The following PGPEP1L variants were observed in gnomAD, a reference collection of about 807,000 sequenced individuals.
PGPEP1L encodes pyroglutamyl-peptidase I like.
In PGPEP1L, 7 loss-of-function variants were observed where a neutral mutation model predicts 6.0. The ratio of observed to expected loss-of-function variants is 1.17; its 90% CI spans 0.66 to 2.19. The LOEUF (loss-of-function observed/expected upper bound fraction) is 2.19. Ranked by LOEUF, PGPEP1L falls within the 30% of genes most tolerant of loss-of-function variation. The probability of loss-of-function intolerance (pLI) is 0.00; values close to 1 mark genes in which losing one functional copy is unlikely to be tolerated. For missense variants in PGPEP1L, 209 were observed against 192.5 expected (o/e 1.09, Z -0.51); for synonymous variants, 103 against 83.9 (o/e 1.23, Z -1.24).
At chr15:98,977,788 G>C (rs895700790) in intron 2 of PGPEP1L, among the ~76,000 whole-genome samples, 1 of 152,210 alleles carries the variant, frequency 6.6e-6, no homozygotes, top group Non-Finnish European at 1.5e-5. Flanking sequence ...ACTATTAACT[G>C]TGAATTTATC....
chr15:98,970,203 C>T (rs1470353138), intron 3 of PGPEP1L, among the ~76,000 whole-genome samples: 1 of 151,500 alleles, frequency 6.6e-6, no homozygotes, highest in Non-Finnish European at 1.5e-5. Flanking sequence ...TGCACCACGC[C>T]CAGCTAATTT....
chr15:99,001,641 T>TTC (rs1259445356), intron 2 of PGPEP1L, among the ~76,000 whole-genome samples: 18 of 152,242 alleles, frequency 1.2e-4, no homozygotes, highest in Non-Finnish European at 2.9e-5. Flanking sequence ...GAACCTTAAA[T>TTC]TACTCCAAGT....
intron 2 of PGPEP1L, among the ~76,000 whole-genome samples, chr15:98,981,729 A>G (rs533616797): frequency 2.6e-5 from 4 of 152,350 alleles, no homozygotes; most frequent in African/African-American, 4.8e-5. Context: ...CAAATACACC[A>G]TACTAACGTA....
At position 99,005,014 on chromosome 15, in the gene PGPEP1L, G is replaced by A. The variant is rs111382896; in HGVS notation, c.-142+415C>T. Among the ~76,000 whole-genome samples the A allele has an allele frequency of 1.6e-3, 236 of 152,114 alleles. 2 individuals are homozygous for A. The highest frequency in any genetic ancestry group is 5.3e-3 in the African/African-American group (219 of 41,490). Reference sequence around the variant, plus strand: ...AGATGGGTTTGCAAGCCTTGTGAGGGCCCTGTGGTTTCTGGGCGTATAGAT... The same window carrying A: ...AGATGGGTTTGCAAGCCTTGTGAGGACCCTGTGGTTTCTGGGCGTATAGAT... On this transcript the variant is annotated intron_variant, in intron 2 of 4. Coordinates refer to ENST00000535714, the MANE Select transcript of PGPEP1L (RefSeq NM_001167902.2).
chr15:98,978,727 T>TATATA lies in PGPEP1L; in HGVS notation c.-141-7570_-141-7569insTATAT, dbSNP rs1555470851. 6.8e-4 allele frequency among the ~76,000 whole-genome samples: 17 copies of TATATA among 25,120 alleles called. No homozygotes were observed. The South Asian group carries it at 7.8e-3, about 12-fold the overall frequency. 16.5% of individuals were successfully genotyped at this position (25,120 alleles called of 152,430 possible). On this transcript the variant is annotated intron_variant, in intron 2 of 4. Transcript: ENST00000535714. Reference sequence around the variant, plus strand: ...CTGTGTATATATATATATATATATATTTTTTTTTTTTTTTTTTTTTTGAGG... The same window carrying TATATA: ...CTGTGTATATATATATATATATATATATATATTTTTTTTTTTTTTTTTTTTTGAGG...
At chr15:98,971,195 G>A (rs758817067) in intron 2 of PGPEP1L, 37 bp from the exon 3 acceptor site, 9 of 225,160 alleles carry the variant, frequency 4.0e-5, no homozygotes, top group East Asian at 3.2e-4. Flanking sequence ...CTCAGTTGAT[G>A]GGGGGGGGGG....
At chr15:98,975,977 GAC>G (rs1388845169) in intron 2 of PGPEP1L, among the ~76,000 whole-genome samples, 1 of 152,014 alleles carries the variant, frequency 6.6e-6, no homozygotes, top group African/African-American at 2.4e-5. Context: ...TTAAAAAAAA[GAC>G]AAATGTGTGA....
At chr15:98,981,214 C>T (rs1027525571) in intron 2 of PGPEP1L, among the ~76,000 whole-genome samples, 8 of 152,050 alleles carry the variant, frequency 5.3e-5, no homozygotes, top group Non-Finnish European at 7.4e-5. Context: ...AAAGTCTGGC[C>T]GGGCGCGGTG....
chr15:98,974,445 G>T lies in PGPEP1L; in HGVS notation c.-141-3287C>A, dbSNP rs528727251. Among the ~76,000 whole-genome samples, 82 of 152,024 alleles carry T rather than the reference G, an allele frequency of 5.4e-4. No homozygotes were observed. The Middle Eastern group carries it at 0.01, about 19-fold the overall frequency. On this transcript the variant is annotated intron_variant, in intron 2 of 4. Transcript: ENST00000535714. Reference sequence around the variant, plus strand: ...ATACAACCTACCAAGATTTAACCACGAAGAAATAAAAAACCTAAACAGATC... The same window carrying T: ...ATACAACCTACCAAGATTTAACCACTAAGAAATAAAAAACCTAAACAGATC...
At chr15:98,978,726 A>ATATTTTT (rs1446348988) in intron 2 of PGPEP1L, among the ~76,000 whole-genome samples, 5 of 85,236 alleles carry the variant, frequency 5.9e-5, no homozygotes, top group African/African-American at 2.6e-4. Flanking sequence ...ATATATATAT[A>ATATTTTT]TTTTTTTTTT....
chr15:99,004,383 T>C lies in PGPEP1L; in HGVS notation c.-142+1046A>G, dbSNP rs1430908277. Among the ~76,000 whole-genome samples the C allele has an allele frequency of 3.3e-5, 5 of 150,112 alleles. No homozygotes were observed. The East Asian group carries it at 9.8e-4, about 29-fold the overall frequency. ...ATGACTGAGCCACTGCACTCCAGTCTGGACAACAGAGGGAGACTGTCTCAG... is the reference window on the plus strand; with the variant it reads ...ATGACTGAGCCACTGCACTCCAGTCCGGACAACAGAGGGAGACTGTCTCAG... On this transcript the variant is annotated intron_variant, in intron 2 of 4. Coordinates refer to ENST00000535714, the MANE Select transcript of PGPEP1L (RefSeq NM_001167902.2).
chr15:99,002,555 A>C (rs1365608391), intron 2 of PGPEP1L, among the ~76,000 whole-genome samples: 3 of 152,230 alleles, frequency 2.0e-5, no homozygotes, highest in African/African-American at 7.2e-5. Context: ...CCTGGCTTTT[A>C]TATTGAAAAT....
At chr15:98,999,225 TAAAG>T (rs549684398) in intron 2 of PGPEP1L, among the ~76,000 whole-genome samples, 58 of 152,238 alleles carry the variant, frequency 3.8e-4, no homozygotes, top group African/African-American at 1.3e-3. Context: ...ATAAAATACA[TAAAG>T]AACTCTTGAA....
intron 2 of PGPEP1L, chr15:98,998,149 G>A (rs1487364664): frequency 3.9e-5 from 6 of 152,582 alleles, no homozygotes; most frequent in Admixed American, 2.0e-4. Context: ...AAGTGCTGCC[G>A]GAAGGGCCCA....
chr15:99,000,887 T>C (rs2017958022), intron 2 of PGPEP1L, among the ~76,000 whole-genome samples: 1 of 152,078 alleles, frequency 6.6e-6, no homozygotes, highest in South Asian at 2.1e-4. Flanking sequence ...GTTCTTTCGC[T>C]CTTTACAATC....
At chr15:98,970,928 G>A in intron 3 of PGPEP1L, 108 bp downstream of exon 3, 1 of 1,498,106 alleles carries the variant, frequency 6.7e-7, no homozygotes, top group Non-Finnish European at 9.0e-7. Flanking sequence ...TGGGGCCTGG[G>A]GACGGGGTGC....
rs769918543 is a variant in PGPEP1L, at chr15:98,981,489, CAAAAAAAA to C, written c.-141-10339_-141-10332del. Reference sequence around the variant, plus strand: ...TGGGCAACAGAGCAAGACTCCGTCTCAAAAAAAAAAAAAAAAACAAAAACAAAACAAAA... The same window carrying C: ...TGGGCAACAGAGCAAGACTCCGTCTCAAAAAAAAACAAAAACAAAACAAAA... On this transcript the variant is annotated intron_variant, in intron 2 of 4. Transcript: ENST00000535714. Among the ~76,000 whole-genome samples, 24 of 82,138 alleles carry C rather than the reference CAAAAAAAA, an allele frequency of 2.9e-4. 1 individual carries two copies. Among genetic ancestry groups the C allele is most frequent in the African/African-American group, 7.5e-4 (22 of 29,402 alleles). The allele number at this position is 82,138 out of a possible 152,430, so 53.9% of individuals were successfully genotyped here.
intron 1 of PGPEP1L, among the ~76,000 whole-genome samples, chr15:99,007,061 A>AC (rs782001227): frequency 1.6e-4 from 24 of 151,802 alleles, no homozygotes; most frequent in South Asian, 1.5e-3. Flanking sequence ...CGCGGATTAG[A>AC]CCCCCCTTGG....
chr15:98,992,306 C>T (rs1189801392), intron 2 of PGPEP1L, among the ~76,000 whole-genome samples: 1 of 152,098 alleles, frequency 6.6e-6, no homozygotes, highest in Non-Finnish European at 1.5e-5. Context: ...ACACCAATAA[C>T]AGACAAACAG....
Sources: gnomAD v4.1 joint callset for allele counts (sites outside exome capture counted in the v4.1 genomes callset) on GRCh38, gnomAD v4.1.1 for gene constraint, MANE v1.5 for transcripts, NCBI Gene and HGNC (gene_info 2026-07-23, HGNC 2026-07-21) for gene names.